Variants in WDR70 observed in about 807,000 individuals in gnomAD.
WDR70 encodes WD repeat domain 70.
Under a neutral mutation model 88.6 loss-of-function variants are expected in WDR70, and 53 were observed. The ratio of observed to expected loss-of-function variants is 0.60; its 90% CI spans 0.48 to 0.75. The LOEUF is 0.75. Among genes scored for constraint, WDR70 ranks in the 30% least tolerant of loss-of-function variants. WDR70 has a pLI of 0.00. For synonymous variants in WDR70, 280 were observed against 270.0 expected (o/e 1.04, Z -0.36); for missense variants, 610 against 823.2 (o/e 0.74, Z 3.17).
In WDR70 at chr5:37,689,467, C is replaced by T. The variant is rs139267673; in HGVS notation, c.1093-8188C>T. On this transcript the variant is annotated intron_variant, in intron 10 of 17. Coordinates refer to ENST00000265107, the MANE Select transcript of WDR70 (RefSeq NM_018034.4). Reference sequence around the variant, plus strand: ...CAGACACCTCATATAGGTGGGTGACCCTCTGGGACGAAGCTTCCAGAGGAA... The same window carrying T: ...CAGACACCTCATATAGGTGGGTGACTCTCTGGGACGAAGCTTCCAGAGGAA... Among the ~76,000 whole-genome samples the T allele has an allele frequency of 4.6e-3, 706 of 152,228 alleles. 6 individuals are homozygous for T. The highest frequency in any genetic ancestry group is 0.016 in the African/African-American group (675 of 41,526).
At chr5:37,712,308 T>C (rs1747537735) in intron 13 of WDR70, among the ~76,000 whole-genome samples, 1 of 152,320 alleles carries the variant, frequency 6.6e-6, no homozygotes, top group African/African-American at 2.4e-5. Flanking sequence ...CTTTTAGGAT[T>C]GATAAAAGAA....
chr5:37,558,048 G>C (rs1742366134), intron 9 of WDR70, among the ~76,000 whole-genome samples: 1 of 84,400 alleles, frequency 1.2e-5, no homozygotes, highest in Middle Eastern at 5.3e-3. Context: ...GTAAGAACTA[G>C]CATGACCACT....
chr5:37,561,133 TCTA>T (rs776895514), intron 9 of WDR70, among the ~76,000 whole-genome samples: 4 of 152,188 alleles, frequency 2.6e-5, no homozygotes, highest in Non-Finnish European at 5.9e-5. Context: ...TCAGGGGAAA[TCTA>T]CTAAGAAGAT....
intron 7 of WDR70, among the ~76,000 whole-genome samples, chr5:37,457,675 CAA>C (rs1486246490): frequency 1.3e-5 from 2 of 151,956 alleles, no homozygotes; most frequent in Non-Finnish European, 2.9e-5. Flanking sequence ...TTTTTCAGCA[CAA>C]GAGTCTGATA....
intron 7 of WDR70, among the ~76,000 whole-genome samples, chr5:37,444,632 C>G (rs564303940): frequency 2.0e-5 from 3 of 152,008 alleles, no homozygotes; most frequent in African/African-American, 7.2e-5. Context: ...CATGAGCCAC[C>G]GCGCCTGGCC....
At chr5:37,521,579 A>G (rs1741089604) in intron 9 of WDR70, among the ~76,000 whole-genome samples, 1 of 152,158 alleles carries the variant, frequency 6.6e-6, no homozygotes, top group South Asian at 2.1e-4. Flanking sequence ...GTGAGTGAGA[A>G]GATGCGATGT....
intron 5 of WDR70, among the ~76,000 whole-genome samples, chr5:37,419,350 C>T (rs1042068817): frequency 2.0e-5 from 3 of 151,238 alleles, no homozygotes; most frequent in East Asian, 2.0e-4. Flanking sequence ...GGTTTATAGG[C>T]GCCTGCCACC....
chr5:37,719,354 C>A (rs1414878034), intron 13 of WDR70, among the ~76,000 whole-genome samples: 1 of 144,552 alleles, frequency 6.9e-6, no homozygotes, highest in Non-Finnish European at 1.5e-5. Flanking sequence ...CAACAACCCC[C>A]CCCCCAAAAA....
intron 9 of WDR70, among the ~76,000 whole-genome samples, chr5:37,565,221 A>G (rs947716996): frequency 6.6e-6 from 1 of 152,110 alleles, no homozygotes; most frequent in Non-Finnish European, 1.5e-5. Flanking sequence ...GAAATACTGT[A>G]AGCTCTGTAG....
chr5:37,632,820 A>G (rs964119506), intron 10 of WDR70, among the ~76,000 whole-genome samples: 3 of 152,204 alleles, frequency 2.0e-5, no homozygotes, highest in Non-Finnish European at 4.4e-5. Flanking sequence ...GTGTACAGTA[A>G]TGTCCTAGAC....
intron 13 of WDR70, among the ~76,000 whole-genome samples, chr5:37,704,514 C>A (rs939151898): frequency 1.3e-5 from 2 of 152,124 alleles, no homozygotes; most frequent in African/African-American, 4.8e-5. Context: ...TAATGTGATA[C>A]ATTTTTGTTC....
chr5:37,664,517 C>A (rs1014908810), intron 10 of WDR70, among the ~76,000 whole-genome samples: 3 of 152,222 alleles, frequency 2.0e-5, no homozygotes, highest in Non-Finnish European at 2.9e-5. Context: ...ATCCAGCATC[C>A]TCACCAGGCT....
chr5:37,635,897 C>T (rs748377484), intron 10 of WDR70, among the ~76,000 whole-genome samples: 25 of 152,096 alleles, frequency 1.6e-4, no homozygotes, highest in Admixed American at 4.6e-4. Context: ...TGAATTTTCA[C>T]GAGATCTGAT....
intron 5 of WDR70, among the ~76,000 whole-genome samples, 167 bp downstream of exon 5, chr5:37,396,737 A>G (rs2111903859): frequency 6.6e-6 from 1 of 152,262 alleles, no homozygotes; most frequent in East Asian, 1.9e-4. Flanking sequence ...AGGCTGAGGC[A>G]GGAGAATCGC....
chr5:37,563,467 C>T (rs1581396574), intron 9 of WDR70, among the ~76,000 whole-genome samples: 1 of 57,624 alleles, frequency 1.7e-5, no homozygotes, highest in Admixed American at 1.7e-4. Context: ...GGCGGCTGGC[C>T]GGGCAGAGGG....
At chr5:37,661,588 G>A (rs186247502) in intron 10 of WDR70, among the ~76,000 whole-genome samples, 10 of 152,218 alleles carry the variant, frequency 6.6e-5, no homozygotes, top group Admixed American at 4.6e-4. Flanking sequence ...TCAAGCATTC[G>A]GGGATCAGAG....
At position 37,702,800 on chromosome 5, in the gene WDR70, G is replaced by GT. The variant is rs1402498738; in HGVS notation, c.1278-148dup. 1.4e-5 allele frequency: 10 copies of GT among 706,428 alleles called. No homozygotes were observed. In the Admixed American group the frequency reaches 2.9e-4, roughly 21 times the overall value. The allele number at this position is 706,428 out of a possible 1,614,324, so 43.8% of individuals were successfully genotyped here. ...ATAATAACTACCACATAGGATTATTGTGACGATTAAACAAATTAATATAAG... is the reference window on the plus strand; with the variant it reads ...ATAATAACTACCACATAGGATTATTGTTGACGATTAAACAAATTAATATAAG... On this transcript the variant is annotated intron_variant, in intron 12 of 17. Coordinates refer to ENST00000265107, the MANE Select transcript of WDR70 (RefSeq NM_018034.4).
At chr5:37,585,461 A>G (rs974952155) in intron 9 of WDR70, among the ~76,000 whole-genome samples, 2 of 152,198 alleles carry the variant, frequency 1.3e-5, no homozygotes, top group Admixed American at 1.3e-4. Context: ...TTGGAGAGTT[A>G]CAGAATTCTT....
rs184439700 is a variant in WDR70, at chr5:37,488,594, A to T, written c.840+8607A>T. ...TGTGCTTGATCTAGTCTCTTGTTGA[A>T]GCTTTCAGTTGTATTTTTTATTTCG... On this transcript the variant is annotated intron_variant, in intron 8 of 17. Transcript: ENST00000265107. Among the ~76,000 whole-genome samples, 6 of 148,684 alleles carry T rather than the reference A, an allele frequency of 4.0e-5. No homozygotes were observed. The East Asian group carries it at 1.2e-3, about 29-fold the overall frequency.
Sources: allele counts gnomAD v4.1 joint callset (sites outside exome capture counted in the v4.1 genomes callset), GRCh38; gene constraint gnomAD v4.1.1; transcripts MANE v1.5; gene names NCBI Gene and HGNC (gene_info 2026-07-23, HGNC 2026-07-21).